LRRFIP1: variants seen among roughly 807,000 people sequenced by gnomAD.
LRRFIP1 encodes the protein LRR binding FLII interacting protein 1.
A neutral mutation model predicts 104.4 loss-of-function variants in LRRFIP1; 62 were observed. The observed-to-expected ratio is 0.59, with a 90% CI of 0.48 to 0.73. The LOEUF (loss-of-function observed/expected upper bound fraction) is 0.73, where lower values mean the gene tolerates loss of function less well. Among genes scored for constraint, LRRFIP1 ranks in the 30% least tolerant of loss-of-function variants. The pLI is 0.00. For synonymous variants in LRRFIP1, 300 were observed against 299.0 expected, an observed-to-expected ratio of 1.00 and a Z score of -0.03; for missense variants, 796 against 824.5, an observed-to-expected ratio of 0.97 and a Z score of 0.42.
At chr2:237,684,115 C>T (rs928343446) in intron 1 of LRRFIP1, 3 of 151,696 alleles carry the variant, frequency 2.0e-5, no homozygotes, top group African/African-American at 7.3e-5. Context: ...GGCAAAGCCA[C>T]ATAAATGAGG....
At chr2:237,739,410 C>G (rs879085126) in intron 11 of LRRFIP1, 101 bp downstream of exon 11, 1 of 1,003,678 alleles carries the variant, frequency 1.0e-6, no homozygotes, top group Non-Finnish European at 1.5e-6. Flanking sequence ...TATTACTCTG[C>G]GGTGATATTA....
intron 1 of LRRFIP1, among the ~76,000 whole-genome samples, chr2:237,674,590 A>G (rs572513277): frequency 8.5e-5 from 13 of 152,358 alleles, no homozygotes; most frequent in African/African-American, 3.1e-4. Context: ...TGCATTTGAC[A>G]CCTTGAAAGG....
intron 23 of LRRFIP1, among the ~76,000 whole-genome samples, chr2:237,776,960 T>C (rs2061147251): frequency 6.6e-6 from 1 of 152,208 alleles, no homozygotes; most frequent in Non-Finnish European, 1.5e-5. Context: ...GTGTCATTTT[T>C]CTCTTGCCAA....
At chr2:237,707,002 T>C (rs1386992242) in intron 1 of LRRFIP1, among the ~76,000 whole-genome samples, 2 of 152,156 alleles carry the variant, frequency 1.3e-5, no homozygotes, top group African/African-American at 4.8e-5. Context: ...ATCAAAATCC[T>C]GATGCAGTTG....
intron 1 of LRRFIP1, among the ~76,000 whole-genome samples, chr2:237,643,698 T>C (rs2149337435): frequency 6.6e-6 from 1 of 152,058 alleles, no homozygotes; most frequent in East Asian, 1.9e-4. Flanking sequence ...TAGCGTTTAG[T>C]GGCAGAAAAG....
intron 8 of LRRFIP1, among the ~76,000 whole-genome samples, chr2:237,733,494 C>T (rs2095105074): frequency 6.6e-6 from 1 of 152,190 alleles, no homozygotes; most frequent in Admixed American, 6.5e-5. Context: ...CCCTTTCTTC[C>T]AGGAATGCCT....
intron 1 of LRRFIP1, among the ~76,000 whole-genome samples, chr2:237,654,101 C>T (rs1338959495): frequency 2.0e-5 from 3 of 152,128 alleles, no homozygotes; most frequent in Admixed American, 1.3e-4. Context: ...TATTTGTAAA[C>T]TGTGCATCTG....
chr2:237,647,109 A>T (rs1575119025), intron 1 of LRRFIP1, among the ~76,000 whole-genome samples: 2 of 151,904 alleles, frequency 1.3e-5, no homozygotes, highest in Non-Finnish European at 1.5e-5. Flanking sequence ...GACGTTTTTC[A>T]CTTTGAATTC....
intron 1 of LRRFIP1, among the ~76,000 whole-genome samples, chr2:237,696,082 CTT>C (rs1471838786): frequency 1.3e-5 from 2 of 152,190 alleles, no homozygotes; most frequent in Admixed American, 1.3e-4. Context: ...GGGATTGTAA[CTT>C]TACAACTTTA....
At position 237,683,497 on chromosome 2, in the gene LRRFIP1, TG is replaced by T. The variant is rs1223055436; in HGVS notation, c.97-25046del. 4.6e-5 allele frequency: 7 copies of T among 152,326 alleles called. No individual in the cohort carries two copies. The East Asian group carries it at 1.3e-3, about 29-fold the overall frequency. 9.4% of individuals were successfully genotyped at this position (152,326 alleles called of 1,614,324 possible). On this transcript the variant is annotated intron_variant, in intron 1 of 23. Coordinates refer to ENST00000308482, the MANE Select transcript of LRRFIP1 (RefSeq NM_001137550.2). ...ATCTAAGATCTTCATTCTTCAAAGG[TG>T]AGGCTTGTATGTTCTATGTCCAAGT...
rs2092751353 is a variant in LRRFIP1 at position 237,691,516 on chromosome 2, G to A, written c.97-17028G>A. On this transcript the variant is annotated intron_variant, in intron 1 of 23. Transcript: ENST00000308482. The surrounding 1 kb of genome is among the most constrained non-coding windows in gnomAD (Gnocchi z 5.4). ...CAAGGGGGGCTGTGTGCACGCAGCT[G>A]CGTCGTCCTGGAAGTCGGCCCTTCT... 6.6e-6 allele frequency among the ~76,000 whole-genome samples: 1 copy of A among 152,238 alleles called. No individual in the cohort carries two copies. Among genetic ancestry groups the A allele is most frequent in the African/African-American group, 2.4e-5 (1 of 41,460 alleles).
intron 1 of LRRFIP1, among the ~76,000 whole-genome samples, chr2:237,662,908 C>T (rs903374): frequency 0.89 from 136,062 of 152,200 alleles, 61,122 homozygotes; most frequent in East Asian, 0.98. Flanking sequence ...CTCCTTTCCA[C>T]GGCAATGACC....
Position 237,708,644 on chromosome 2 carries a change from C to T in LRRFIP1, c.183+14C>T. On this transcript the variant is annotated intron_variant, in intron 2 of 23. Coordinates refer to ENST00000308482, the MANE Select transcript of LRRFIP1 (RefSeq NM_001137550.2). ...CAGCAGAAGGAGGTAACGCTTGGGG[C>T]TCCTTGTTGGGTCTTTTCACAGTGA... 1 of 1,588,310 alleles carries T rather than the reference C, an allele frequency of 6.3e-7. No individual in the cohort carries two copies. The highest frequency in any genetic ancestry group is 8.6e-7 in the Non-Finnish European group (1 of 1,165,678).
At chr2:237,645,611 C>G (rs893739100) in intron 1 of LRRFIP1, among the ~76,000 whole-genome samples, 11 of 149,150 alleles carry the variant, frequency 7.4e-5, no homozygotes, top group Non-Finnish European at 1.7e-4. Flanking sequence ...ATTCTGTTAA[C>G]TTTGTCTTCT....
At chr2:237,692,214 C>T (rs895767434) in intron 1 of LRRFIP1, 16 of 1,082,860 alleles carry the variant, frequency 1.5e-5, no homozygotes, top group Non-Finnish European at 1.7e-5. Context: ...CGCCCTTCCA[C>T]CCCGAGCCCG....
chr2:237,639,699 C>T (rs2149306626), intron 1 of LRRFIP1, among the ~76,000 whole-genome samples: 1 of 152,300 alleles, frequency 6.6e-6, no homozygotes. Context: ...AGGTGATGAC[C>T]ACATGGTCTT....
chr2:237,650,629 A>T (rs1383555587), intron 1 of LRRFIP1, among the ~76,000 whole-genome samples: 1 of 152,250 alleles, frequency 6.6e-6, no homozygotes, highest in African/African-American at 2.4e-5. Flanking sequence ...GGGCAAGAGC[A>T]GAAGCCAGAG....
chr2:237,641,746 TG>T (rs2084011949), intron 1 of LRRFIP1, among the ~76,000 whole-genome samples: 1 of 152,208 alleles, frequency 6.6e-6, no homozygotes, highest in Non-Finnish European at 1.5e-5. Flanking sequence ...TTTTTAAATA[TG>T]ATTTTTAAAA....
At chr2:237,664,577 G>A (rs1020988867) in intron 1 of LRRFIP1, among the ~76,000 whole-genome samples, 5 of 152,210 alleles carry the variant, frequency 3.3e-5, no homozygotes, top group African/African-American at 1.2e-4. Context: ...GAAGTGCAAG[G>A]GTCTGGCCTC....
Sources: gnomAD v4.1 joint callset for allele counts (sites outside exome capture counted in the v4.1 genomes callset) on GRCh38, gnomAD v4.1.1 for gene constraint, Gnocchi (gnomAD v3.1) non-coding constraint, MANE v1.5 for transcripts, NCBI Gene and HGNC (gene_info 2026-07-23, HGNC 2026-07-21) for gene names.